The following CEP72 variants were observed in gnomAD, a reference collection of about 807,000 sequenced individuals.
The protein encoded by CEP72 is centrosomal protein of 72 kDa.
In CEP72, 78 loss-of-function variants were observed where a neutral mutation model predicts 65.7. The ratio of observed to expected loss-of-function variants is 1.19; its 90% CI spans 0.99 to 1.43. The LOEUF is 1.43. Ranked by LOEUF, CEP72 falls within the 40% of genes most tolerant of loss-of-function variation. CEP72 has a pLI of 0.00. For synonymous variants in CEP72, 358 were observed against 351.7 expected, an observed-to-expected ratio of 1.02 and a Z score of -0.20; for missense variants, 914 against 832.9, an observed-to-expected ratio of 1.10 and a Z score of -1.20.
intron 9 of CEP72, chr5:642,059 T>A (rs1038609369): frequency 3.1e-6 from 3 of 983,016 alleles, no homozygotes; most frequent in Middle Eastern, 5.2e-4. Context: ...TCTAGAAGCC[T>A]CTGCATTTAA....
chr5:654,475 G>C (rs143971897), downstream of CEP72, among the ~76,000 whole-genome samples: 1 of 152,120 alleles, frequency 6.6e-6, no homozygotes, highest in African/African-American at 2.4e-5. Flanking sequence ...GTGTGTGTGC[G>C]TGTGGATTGT....
chr5:642,037 CGTG>C (rs927170517), intron 9 of CEP72: 3 of 980,410 alleles, frequency 3.1e-6, no homozygotes, highest in Non-Finnish European at 3.6e-6. Context: ...TTTAAACACA[CGTG>C]GTCCCCCGTC....
chr5:661,334 T>A (rs1739592953), downstream of CEP72: 1 of 152,886 alleles, frequency 6.5e-6, no homozygotes, highest in African/African-American at 2.4e-5. Context: ...ACAGAACCTG[T>A]CCCTCTCTCC....
chr5:617,708 G>A (rs912220742), intron 1 of CEP72, among the ~76,000 whole-genome samples: 2 of 152,116 alleles, frequency 1.3e-5, no homozygotes, highest in Admixed American at 6.5e-5. Flanking sequence ...ACAGGGAAAC[G>A]TGGGGTTTTA....
downstream of CEP72, among the ~76,000 whole-genome samples, chr5:671,619 C>T (rs1169243064): frequency 6.6e-6 from 1 of 152,234 alleles, no homozygotes; most frequent in East Asian, 1.9e-4. Flanking sequence ...TGCTGCCCGG[C>T]CTGCAGGGTA....
chr5:651,947 T>A (rs1030645299), intron 11 of CEP72, among the ~76,000 whole-genome samples: 15 of 152,198 alleles, frequency 9.9e-5, no homozygotes, highest in African/African-American at 3.6e-4. Flanking sequence ...GTAGCCAGGC[T>A]CTGCCCCTTA....
chr5:612,732 G>A (rs768944765), intron 1 of CEP72: 2 of 740,278 alleles, frequency 2.7e-6, no homozygotes, highest in Non-Finnish European at 3.3e-6. Context: ...AGAGGGAGCC[G>A]GCCTTGCTGT....
At position 612,419 on chromosome 5, in the gene CEP72, G is replaced by C. The variant is rs981109256; in HGVS notation, c.58G>C (p.Gly20Arg). ...LSEEAVRAKSGLGPHRDLAEL... is the reference protein window; with the variant it reads ...LSEEAVRAKSRLGPHRDLAEL... ...CGAGGAGGCGGTTCGGGCGAAGAGCGGCTTAGGGCCTCACCGCGACCTGGG... is the reference window on the plus strand; with the variant it reads ...CGAGGAGGCGGTTCGGGCGAAGAGCCGCTTAGGGCCTCACCGCGACCTGGG... The change falls in exon 1 of 12, where the codon GGC (glycine) becomes CGC (arginine). Residue 20 changes from glycine to arginine, a missense_variant. Gly to Arg is a moderately radical substitution (Grantham distance 125). Coordinates refer to ENST00000264935, the MANE Select transcript of CEP72 (RefSeq NM_018140.4). 19 of 1,483,766 alleles carry C rather than the reference G, an allele frequency of 1.3e-5. No homozygotes were observed. The highest frequency in any genetic ancestry group is 1.7e-5 in the Non-Finnish European group (19 of 1,122,140). The allele number at this position is 1,483,766 out of a possible 1,614,324, so 91.9% of individuals were successfully genotyped here. A position where few individuals can be genotyped will look rare whatever the true frequency, so the allele number is the denominator to read the frequency against.
At chr5:649,744 TG>T (rs377196800) in intron 11 of CEP72, among the ~76,000 whole-genome samples, 4 of 38,932 alleles carry the variant, frequency 1.0e-4, no homozygotes, top group African/African-American at 3.0e-4. Context: ...CTGTGAGGCG[TG>T]GACTGTGAGG....
At chr5:669,870 TCA>T (rs780792100), downstream of CEP72, among the ~76,000 whole-genome samples, 11 of 152,026 alleles carry the variant, frequency 7.2e-5, no homozygotes, top group Non-Finnish European at 1.5e-4. Context: ...CCAGAGACAC[TCA>T]GTCTGGCTGC....
At position 637,597 on chromosome 5, in the gene CEP72, C is replaced by G. The variant is rs752937474; in HGVS notation, c.985C>G (p.Pro329Ala). ...AATGGTGCCTGGTCCCCTGCCAGCCCCCGGAAAGTGCAGGAAGCGAAGAAT... is the reference window on the plus strand; with the variant it reads ...AATGGTGCCTGGTCCCCTGCCAGCCGCCGGAAAGTGCAGGAAGCGAAGAAT... ...GEMVPGPLPA[P>A]GKCRKRRMPV... Residue 329 changes from proline (P) to alanine (A), a missense_variant, in exon 7 of 12, where the codon CCC (proline) becomes GCC (alanine). Physicochemically the swap from Pro to Ala is conservative, Grantham distance 27. Transcript: ENST00000264935. 3 of 1,614,054 alleles carry G rather than the reference C, an allele frequency of 1.9e-6. No individual in the cohort carries two copies. Among genetic ancestry groups the G allele is most frequent in the Admixed American group, 1.7e-5 (1 of 60,014 alleles).
rs563610811 is a variant in CEP72 at position 664,730 on chromosome 5, T to C, written n.288-450T>C. 9.8e-5 allele frequency: 21 copies of C among 214,166 alleles called. No homozygotes were observed. In the East Asian group the frequency reaches 2.6e-3, roughly 26 times the overall value. The allele number at this position is 214,166 out of a possible 1,614,324, so 13.3% of individuals were successfully genotyped here. On this transcript the variant is annotated intron_variant and non_coding_transcript_variant, in intron 2 of 4. Coordinates refer to the CEP72 transcript ENST00000514507. ...TGCCACCCTCAGGGCTCCTGGAAGGTGTCTGCCGCTCAGGAGGTCAGCACA... is the reference window on the plus strand; with the variant it reads ...TGCCACCCTCAGGGCTCCTGGAAGGCGTCTGCCGCTCAGGAGGTCAGCACA...
chr5:629,427 G>C (rs1293688242), intron 4 of CEP72, among the ~76,000 whole-genome samples: 1 of 148,580 alleles, frequency 6.7e-6, no homozygotes, highest in Non-Finnish European at 1.5e-5. Context: ...ATTTGGACCA[G>C]TCCTGGTGGG....
rs573306049 is a variant in CEP72 at position 665,406 on chromosome 5, G to A, written n.433+81G>A. 4 of 1,011,180 alleles carry A rather than the reference G, an allele frequency of 4.0e-6. No homozygotes were observed. The South Asian group carries it at 4.7e-5, about 12-fold the overall frequency. 62.6% of individuals were successfully genotyped at this position (1,011,180 alleles called of 1,614,324 possible). On this transcript the variant is annotated intron_variant and non_coding_transcript_variant, in intron 3 of 4. Transcript: ENST00000514507. ...CTCCCAGCGGTGGGGCACTGGGCAA[G>A]GGGCATAAACCCTGGGATTTATGCC...
At chr5:621,360 G>C (rs1219067757) in intron 3 of CEP72, among the ~76,000 whole-genome samples, 1 of 152,262 alleles carries the variant, frequency 6.6e-6, no homozygotes, top group African/African-American at 2.4e-5. Flanking sequence ...TGAACAGGCT[G>C]TTTTCCACGG....
downstream of CEP72, among the ~76,000 whole-genome samples, chr5:670,021 G>A (rs1031386326): frequency 7.2e-5 from 11 of 152,312 alleles, no homozygotes; most frequent in East Asian, 9.7e-4. Flanking sequence ...CCAGCAGGAC[G>A]CAGCCGCTGC....
rs1374179448 is a variant in CEP72 at position 620,217 on chromosome 5, A to G, written c.359A>G (p.Tyr120Cys). 6.2e-7 allele frequency: 1 copy of G among 1,614,052 alleles called. No homozygotes were observed. Among genetic ancestry groups the G allele is most frequent in the Admixed American group, 1.7e-5 (1 of 60,014 alleles). The change falls in exon 3 of 12, where the codon TAC becomes TGC. Residue 120 changes from tyrosine to cysteine, a missense_variant. Coordinates refer to ENST00000264935, the MANE Select transcript of CEP72 (RefSeq NM_018140.4). ...LNPVVKVEPD[Y>C]RLFVVHLLPK... ...CCCGTGGTGAAGGTTGAGCCTGACT[A>G]CCGCCTTTTTGTTGTGCACCTGCTC...
chr5:659,157 C>T (rs890567525), downstream of CEP72, among the ~76,000 whole-genome samples: 2 of 152,238 alleles, frequency 1.3e-5, no homozygotes, highest in Non-Finnish European at 2.9e-5. Flanking sequence ...GGCATGTGTG[C>T]GTTTAGTCCA....
chr5:673,700 C>T, the CEP72 span, among the ~76,000 whole-genome samples: 1 of 152,236 alleles, frequency 6.6e-6, no homozygotes, highest in Admixed American at 6.5e-5. Flanking sequence ...CACCCCAAGG[C>T]TGGTCCCCGG....
Sources: gnomAD v4.1 joint callset for allele counts (sites outside exome capture counted in the v4.1 genomes callset) on GRCh38, gnomAD v4.1.1 for gene constraint, MANE v1.5 for transcripts, NCBI Gene and HGNC (gene_info 2026-07-23, HGNC 2026-07-21) for gene names.